DENND1B: variants seen among roughly 807,000 people sequenced by gnomAD.
DENND1B encodes the protein DENN domain-containing protein 1B.
Under a neutral mutation model 90.1 loss-of-function variants are expected in DENND1B, and 59 were observed. The observed-to-expected ratio is 0.65, with a 90% confidence interval of 0.53 to 0.81. DENND1B has a LOEUF of 0.81. Ranked by LOEUF, DENND1B falls within the 40% of genes least tolerant of loss-of-function variation. The pLI, the probability that DENND1B is intolerant of heterozygous loss-of-function variation, is 0.00. For synonymous variants in DENND1B, 337 were observed against 324.6 expected (o/e 1.04, Z -0.41); for missense variants, 862 against 912.6 (o/e 0.94, Z 0.71).
At chr1:197,583,693 A>G (rs1324308593) in intron 14 of DENND1B, among the ~76,000 whole-genome samples, 1 of 152,198 alleles carries the variant, frequency 6.6e-6, no homozygotes, top group African/African-American at 2.4e-5. Flanking sequence ...ATTAATGAAA[A>G]GATTTTACAA....
rs1278548740 is a variant in DENND1B at position 197,583,133 on chromosome 1, T to C, written c.1149+19A>G. ...ACAATGTTGTCTTACAAAAGAAAAA[T>C]GTGGAGGTCCACTCTTACCTGCTTA... On this transcript the variant is annotated intron_variant, in intron 15 of 22. Transcript: ENST00000620048. 5.0e-6 allele frequency: 8 copies of C among 1,605,618 alleles called. No individual in the cohort carries two copies. Among genetic ancestry groups the C allele is most frequent in the Non-Finnish European group, 6.8e-6 (8 of 1,172,680 alleles).
intron 10 of DENND1B, among the ~76,000 whole-genome samples, chr1:197,637,040 G>T (rs1679861209): frequency 6.6e-6 from 1 of 151,934 alleles, no homozygotes; most frequent in Non-Finnish European, 1.5e-5. Flanking sequence ...AAAAATTATA[G>T]TATGTGAAAA....
At chr1:197,592,502 A>G (rs1675325781) in intron 14 of DENND1B, among the ~76,000 whole-genome samples, 1 of 152,206 alleles carries the variant, frequency 6.6e-6, no homozygotes, top group Non-Finnish European at 1.5e-5. Context: ...AGTATAATTA[A>G]TTCATAGAAA....
chr1:197,699,081 T>C (rs746311443), intron 3 of DENND1B, among the ~76,000 whole-genome samples: 1 of 152,074 alleles, frequency 6.6e-6, no homozygotes, highest in African/African-American at 2.4e-5. Context: ...ATAATCCTGA[T>C]ACCAAAATCA....
intron 3 of DENND1B, among the ~76,000 whole-genome samples, chr1:197,714,139 G>A (rs1308574170): frequency 1.3e-5 from 2 of 150,638 alleles, no homozygotes; most frequent in African/African-American, 4.9e-5. Context: ...ACCACACACG[G>A]CTGTTTTGTA....
At chr1:197,751,775 C>T (rs917455824) in intron 2 of DENND1B, among the ~76,000 whole-genome samples, 36 of 149,032 alleles carry the variant, frequency 2.4e-4, no homozygotes, top group Admixed American at 1.0e-3. Context: ...ACCCAGGAGG[C>T]GGAGGTTGCA....
At chr1:197,654,989 C>T (rs541806679) in intron 6 of DENND1B, among the ~76,000 whole-genome samples, 4 of 152,102 alleles carry the variant, frequency 2.6e-5, no homozygotes, top group African/African-American at 9.6e-5. Flanking sequence ...AAATACTATG[C>T]CCAGGAGGAT....
intron 3 of DENND1B, among the ~76,000 whole-genome samples, chr1:197,698,284 T>C (rs1467695600): frequency 6.6e-6 from 1 of 152,014 alleles, no homozygotes; most frequent in Non-Finnish European, 1.5e-5. Context: ...CACAATTACA[T>C]GGAAATTGAA....
intron 2 of DENND1B, among the ~76,000 whole-genome samples, chr1:197,771,350 G>GTATCCATTCTACCTAATA (rs1190280601): frequency 6.6e-6 from 1 of 152,200 alleles, no homozygotes; most frequent in Non-Finnish European, 1.5e-5. Flanking sequence ...ATCCATTTGA[G>GTATCCATTCTACCTAATA]TATCCATTCT....
chr1:197,550,927 T>C (rs973006972), intron 16 of DENND1B, among the ~76,000 whole-genome samples: 2 of 152,082 alleles, frequency 1.3e-5, no homozygotes, highest in East Asian at 3.9e-4. Flanking sequence ...GCAATTATTA[T>C]ATTACTATTA....
chr1:197,677,368 C>T (rs1185041524), intron 3 of DENND1B, among the ~76,000 whole-genome samples: 1 of 152,092 alleles, frequency 6.6e-6, no homozygotes, highest in African/African-American at 2.4e-5. Flanking sequence ...TAAATGTTCC[C>T]AGACACCTCT....
At chr1:197,624,419 C>T (rs540308400) in intron 10 of DENND1B, among the ~76,000 whole-genome samples, 1 of 151,666 alleles carries the variant, frequency 6.6e-6, no homozygotes, top group African/African-American at 2.4e-5. Flanking sequence ...TGAAAATTTA[C>T]TCAAAATGAA....
intron 13 of DENND1B, among the ~76,000 whole-genome samples, chr1:197,605,113 A>AAAG (rs1676554471): frequency 6.6e-6 from 1 of 150,938 alleles, no homozygotes; most frequent in East Asian, 1.9e-4. Flanking sequence ...ACCACCTTTC[A>AAAG]GTATAATTTT....
intron 3 of DENND1B, among the ~76,000 whole-genome samples, chr1:197,697,778 G>T (rs1047111464): frequency 2.6e-5 from 4 of 151,942 alleles, no homozygotes; most frequent in African/African-American, 9.7e-5. Flanking sequence ...CCTAGTCTCT[G>T]ACAAAATAGA....
rs1348865222 is a variant in DENND1B at position 197,507,313 on chromosome 1, T to C, written c.*3147A>G. The C allele has an allele frequency of 6.6e-6, 1 of 151,138 alleles. No homozygotes were observed. The highest frequency in any genetic ancestry group is 2.1e-4 in the South Asian group (1 of 4,824). The allele number at this position is 151,138 out of a possible 1,614,324, so 9.4% of individuals were successfully genotyped here. A position where few individuals can be genotyped will look rare whatever the true frequency, so the allele number is the denominator to read the frequency against. On this transcript the variant is annotated 3_prime_UTR_variant, in exon 23 of 23. Transcript: ENST00000620048. ...GCATATGACTGGTACAAAAAGTCAATGAATAGTTTTTAAATGAACATGTTA... is the reference window on the plus strand; with the variant it reads ...GCATATGACTGGTACAAAAAGTCAACGAATAGTTTTTAAATGAACATGTTA...
At chr1:197,654,182 A>G (rs912423278) in intron 6 of DENND1B, among the ~76,000 whole-genome samples, 5 of 152,234 alleles carry the variant, frequency 3.3e-5, no homozygotes, top group African/African-American at 9.6e-5. Flanking sequence ...GAAGAGTAAA[A>G]GGACTACCTT....
intron 11 of DENND1B, among the ~76,000 whole-genome samples, chr1:197,613,945 A>G (rs1677408668): frequency 6.6e-6 from 1 of 150,984 alleles, no homozygotes; most frequent in African/African-American, 2.4e-5. Flanking sequence ...CCATTTTACA[A>G]ATGTTGGTGG....
At chr1:197,670,087 A>T (rs1655336694) in intron 5 of DENND1B, among the ~76,000 whole-genome samples, 2 of 140,656 alleles carry the variant, frequency 1.4e-5, no homozygotes, top group African/African-American at 2.6e-5. Context: ...TGGACATTAT[A>T]TTATTCTTTC....
intron 15 of DENND1B, among the ~76,000 whole-genome samples, chr1:197,574,036 A>C (rs1262875636): frequency 6.6e-6 from 1 of 152,242 alleles, no homozygotes. Context: ...GAAAACCAGT[A>C]CAAGACAAGG....
Sources: allele counts gnomAD v4.1 joint callset (sites outside exome capture counted in the v4.1 genomes callset), GRCh38; gene constraint gnomAD v4.1.1; transcripts MANE v1.5; gene names NCBI Gene and HGNC (gene_info 2026-07-23, HGNC 2026-07-21).